Variants in KDM2B observed in about 807,000 individuals in gnomAD.
KDM2B encodes the protein lysine-specific demethylase 2B.
Under a neutral mutation model 150.0 loss-of-function variants are expected in KDM2B, and 26 were observed. The observed-to-expected ratio is 0.17, with a 90% CI of 0.13 to 0.24. The LOEUF (loss-of-function observed/expected upper bound fraction) is 0.24. Ranked by LOEUF, KDM2B falls within the 10% of genes least tolerant of loss-of-function variation. The pLI, the probability that KDM2B is intolerant of heterozygous loss-of-function variation, is 1.00. For synonymous variants in KDM2B, 734 were observed against 729.5 expected (o/e 1.01, Z -0.10); for missense variants, 1,265 against 1,816.9 (o/e 0.70, Z 5.52).
chr12:121,422,586 T>C, the KDM2B span, among the ~76,000 whole-genome samples: 1 of 152,328 alleles, frequency 6.6e-6, no homozygotes, highest in Middle Eastern at 3.4e-3. Context: ...ACATTTCTCT[T>C]AAATCTAGAG....
Position 121,442,068 on chromosome 12 carries a change from AAG to A in KDM2B, c.3284+87_3284+88del. The A allele has an allele frequency of 9.1e-7, 1 of 1,102,582 alleles. No homozygotes were observed. The highest frequency in any genetic ancestry group is 1.4e-6 in the Non-Finnish European group (1 of 736,776). 68.3% of individuals were successfully genotyped at this position (1,102,582 alleles called of 1,614,324 possible). On this transcript the variant is annotated intron_variant, in intron 19 of 22. Transcript: ENST00000377071. This position sits in a 1 kb window ranked among gnomAD's most constrained non-coding sequence, Gnocchi z 7.7. Reference sequence around the variant, plus strand: ...GAAGCCATACTGGGGTTTGGAAGGAAAGAGCATCGCCAGCGACTCCACACACC... The same window carrying A: ...GAAGCCATACTGGGGTTTGGAAGGAAAGCATCGCCAGCGACTCCACACACC...
chr12:121,572,386 C>T lies in KDM2B; in HGVS notation c.397+2161G>A, dbSNP rs573986913. Among the ~76,000 whole-genome samples, 3 of 152,210 alleles carry T rather than the reference C, an allele frequency of 2.0e-5. No homozygotes were observed. The East Asian group carries it at 5.8e-4, about 29-fold the overall frequency. On this transcript the variant is annotated intron_variant, in intron 4 of 22. Coordinates refer to ENST00000377071, the MANE Select transcript of KDM2B (RefSeq NM_032590.5). ...ATCCCAGCTCCGTGGCCTCTGCCACCTCTTCTGCCACTTTCTCACTCACTC... is the reference window on the plus strand; with the variant it reads ...ATCCCAGCTCCGTGGCCTCTGCCACTTCTTCTGCCACTTTCTCACTCACTC...
chr12:121,467,337 C>T lies in KDM2B; in HGVS notation c.1735-13993G>A. The T allele has an allele frequency of 1.9e-5, 19 of 981,766 alleles. No homozygotes were observed. Among genetic ancestry groups the T allele is most frequent in the Non-Finnish European group, 2.2e-5 (18 of 828,416 alleles). The allele number at this position is 981,766 out of a possible 1,614,324, so 60.8% of individuals were successfully genotyped here. A position where few individuals can be genotyped will look rare whatever the true frequency, so the allele number is the denominator to read the frequency against. Reference sequence around the variant, plus strand: ...GGGCTCGGGCTCGGGCTCCCGCTGCCGCGAGGAGGGAGCCGCGCCGCGCGC... The same window carrying T: ...GGGCTCGGGCTCGGGCTCCCGCTGCTGCGAGGAGGGAGCCGCGCCGCGCGC... On this transcript the variant is annotated intron_variant, in intron 12 of 22. Coordinates refer to ENST00000377071, the MANE Select transcript of KDM2B (RefSeq NM_032590.5). The surrounding 1 kb of genome is among the most constrained non-coding windows in gnomAD (Gnocchi z 5.1).
chr12:121,436,714 C>T (rs931046887), intron 22 of KDM2B, among the ~76,000 whole-genome samples: 14 of 152,074 alleles, frequency 9.2e-5, no homozygotes, highest in African/African-American at 2.7e-4. Flanking sequence ...CCAGACTGAA[C>T]GGCTTCTGTG....
In KDM2B at chr12:121,442,378, A is replaced by T. The variant is rs1555288614; in HGVS notation, c.3063T>A (p.Arg1021=). The T allele has an allele frequency of 1.2e-5, 17 of 1,475,592 alleles. No homozygotes were observed. The South Asian group carries it at 1.2e-4, about 10-fold the overall frequency. The allele number at this position is 1,475,592 out of a possible 1,614,324, so 91.4% of individuals were successfully genotyped here. Residue 1021 remains arginine (R), a synonymous_variant, in exon 19 of 23, where the codon CGT becomes CGA. Transcript: ENST00000377071. This position sits in a 1 kb window ranked among gnomAD's most constrained non-coding sequence, Gnocchi z 7.7. ...CGGAGGGTGGGGGCCGGGAGATGAC[A>T]CGGGGCGGGCTGCGCAGGCTGGGCC... is the stretch of plus-strand genomic sequence containing the variant. The part of the protein sequence containing the change: ...QLGPSLRSPP[R]VISRPPPSVS...
At chr12:121,535,315 A>G (rs1555308547) in intron 6 of KDM2B, among the ~76,000 whole-genome samples, 1 of 152,192 alleles carries the variant, frequency 6.6e-6, no homozygotes, top group African/African-American at 2.4e-5. Context: ...CCAGCCCCAA[A>G]AGACCAAGCG....
intron 12 of KDM2B, among the ~76,000 whole-genome samples, chr12:121,457,266 TTTTC>T (rs1471915788): frequency 1.3e-5 from 2 of 152,028 alleles, no homozygotes; most frequent in African/African-American, 4.8e-5. Flanking sequence ...TTTTCTTTTC[TTTTC>T]TTTTTTTTTG....
chr12:121,427,914 TAAGG>T (rs1872591329), downstream of KDM2B, among the ~76,000 whole-genome samples: 1 of 152,250 alleles, frequency 6.6e-6, no homozygotes, highest in Non-Finnish European at 1.5e-5. Context: ...AAGCAATTCT[TAAGG>T]AAGAGGATGA....
chr12:121,576,098 T>G (rs1299364648), intron 2 of KDM2B, among the ~76,000 whole-genome samples: 1 of 152,116 alleles, frequency 6.6e-6, no homozygotes, highest in Non-Finnish European at 1.5e-5. Flanking sequence ...ATTCTCGGCA[T>G]GCCCCACCGG....
intron 4 of KDM2B, among the ~76,000 whole-genome samples, chr12:121,569,846 C>CTTTCT (rs539111917): frequency 6.2e-4 from 90 of 145,902 alleles, no homozygotes; most frequent in African/African-American, 1.8e-3. Context: ...TTCTTTCTTT[C>CTTTCT]TTTTTTTTTT....
intron 12 of KDM2B, among the ~76,000 whole-genome samples, chr12:121,490,823 G>C (rs1005777219): frequency 9.9e-5 from 15 of 152,100 alleles, no homozygotes; most frequent in Non-Finnish European, 2.1e-4. Context: ...TTCCAGAAAA[G>C]GGCTTTGTTC....
chr12:121,446,118 G>A (rs115312371), intron 13 of KDM2B, among the ~76,000 whole-genome samples: 2,030 of 152,298 alleles, frequency 0.013, 55 homozygotes, highest in African/African-American at 0.045. Context: ...TCACCAGGCC[G>A]GGCGCGGTGG....
Position 121,580,853 on chromosome 12 carries a change from GCATGT to G in KDM2B, c.54_58del (p.Arg18SerfsTer17). ...TGTTTTCTTTTTTTGCTTTTCTGCT[GCATGT>G]CTTTTTCGTGGGGGGTGATCCTCTG... On this transcript the variant is annotated frameshift_variant, in exon 1 of 23. Coordinates refer to ENST00000377071, the MANE Select transcript of KDM2B (RefSeq NM_032590.5). LOFTEE classifies it high-confidence loss of function. 1.4e-5 allele frequency: 22 copies of G among 1,614,036 alleles called. No homozygotes were observed. Among genetic ancestry groups the G allele is most frequent in the Non-Finnish European group, 1.9e-5 (22 of 1,179,984 alleles).
chr12:121,449,604 A>G (rs983986326), intron 13 of KDM2B, among the ~76,000 whole-genome samples: 11 of 152,142 alleles, frequency 7.2e-5, no homozygotes, highest in African/African-American at 2.4e-4. Flanking sequence ...GCTGGGAGAT[A>G]ATAATGCCAA....
chr12:121,571,135 G>C (rs1891057521), intron 4 of KDM2B, among the ~76,000 whole-genome samples: 1 of 152,150 alleles, frequency 6.6e-6, no homozygotes, highest in Admixed American at 6.5e-5. Flanking sequence ...TCCAGAATCA[G>C]CAACTTCATA....
chr12:121,488,933 C>T (rs1555299453), intron 12 of KDM2B, among the ~76,000 whole-genome samples: 2 of 152,096 alleles, frequency 1.3e-5, no homozygotes, highest in African/African-American at 2.4e-5. Flanking sequence ...CTGAGCCTCT[C>T]GAGTAGCTGG....
chr12:121,579,492 C>G, intron 1 of KDM2B: 3 of 866,146 alleles, frequency 3.5e-6, no homozygotes, highest in Middle Eastern at 2.8e-4. Flanking sequence ...AGACCCCAGC[C>G]GCCCCCGCCG....
At chr12:121,449,265 AG>A (rs1217011493) in intron 13 of KDM2B, among the ~76,000 whole-genome samples, 1 of 152,030 alleles carries the variant, frequency 6.6e-6, no homozygotes, top group African/African-American at 2.4e-5. Context: ...CATGGTGGAG[AG>A]GGGAGGCTAC....
Position 121,487,403 on chromosome 12 carries a change from G to A in KDM2B, c.1734+7176C>T, listed in dbSNP as rs1341026285. Among the ~76,000 whole-genome samples, 33 of 152,128 alleles carry A rather than the reference G, an allele frequency of 2.2e-4. 1 individual carries two copies. The highest frequency in any genetic ancestry group is 1.9e-3 in the Admixed American group (29 of 15,258). On this transcript the variant is annotated intron_variant, in intron 12 of 22. Coordinates refer to ENST00000377071, the MANE Select transcript of KDM2B (RefSeq NM_032590.5). Reference sequence around the variant, plus strand: ...AGGAACACGTTTGGGATTCCAGATCGGAGGCCCAGGTTTCTCTTCGCGTGG... The same window carrying A: ...AGGAACACGTTTGGGATTCCAGATCAGAGGCCCAGGTTTCTCTTCGCGTGG...
Sources: gnomAD v4.1 joint callset for allele counts (sites outside exome capture counted in the v4.1 genomes callset) on GRCh38, gnomAD v4.1.1 for gene constraint, Gnocchi (gnomAD v3.1) non-coding constraint, MANE v1.5 for transcripts, NCBI Gene and HGNC (gene_info 2026-07-23, HGNC 2026-07-21) for gene names.